The following PHC2 variants were observed in gnomAD, a reference collection of about 807,000 sequenced individuals.
PHC2 encodes polyhomeotic homolog 2, also known as polyhomeotic-like protein 2.
PHC2 carries 29 observed loss-of-function variants against 87.4 expected under a neutral mutation model. The observed-to-expected ratio is 0.33, with a 90% CI of 0.25 to 0.45. The LOEUF is 0.45. Ranked by LOEUF, PHC2 falls within the 20% of genes least tolerant of loss-of-function variation. The pLI is 1.00. For synonymous variants in PHC2, 438 were observed against 461.7 expected (o/e 0.95, Z 0.66); for missense variants, 857 against 1,136.7 (o/e 0.75, Z 3.54).
chr1:33,367,025 A>G, intron 7 of PHC2, 91 bp downstream of exon 7: 2 of 1,160,894 alleles, frequency 1.7e-6, no homozygotes, highest in South Asian at 1.5e-5. Flanking sequence ...ATCTTTGCAA[A>G]TCCATGGGAA....
At chr1:33,377,668 T>G (rs751169546) in intron 1 of PHC2, among the ~76,000 whole-genome samples, 1 of 151,992 alleles carries the variant, frequency 6.6e-6, no homozygotes, top group Non-Finnish European at 1.5e-5. Flanking sequence ...TTCAGTCATC[T>G]GCTTGTAGAG....
At position 33,369,219 on chromosome 1, in the gene PHC2, C is replaced by G. The variant is rs1647672745; in HGVS notation, c.577-597G>C. On this transcript the variant is annotated intron_variant, in intron 5 of 14. Coordinates refer to ENST00000683057, the MANE Select transcript of PHC2 (RefSeq NM_001385109.1). The surrounding 1 kb of genome is among the most constrained non-coding windows in gnomAD (Gnocchi z 4.7). ...GCCGTCCTCATGTCTGAATCCCATC[C>G]TGCAGGGTGCAGGATCCATGGTGTT... is the stretch of plus-strand genomic sequence containing the variant. 6.6e-6 allele frequency among the ~76,000 whole-genome samples: 1 copy of G among 152,230 alleles called. No individual in the cohort carries two copies. The highest frequency in any genetic ancestry group is 2.4e-5 in the African/African-American group (1 of 41,458).
At chr1:33,414,177 T>TCTCACA (rs372228145) in intron 1 of PHC2, among the ~76,000 whole-genome samples, 2,320 of 142,830 alleles carry the variant, frequency 0.016, 33 homozygotes, top group South Asian at 0.079. Context: ...TCTCTCTCTG[T>TCTCACA]CACACACACA....
intron 9 of PHC2, among the ~76,000 whole-genome samples, chr1:33,344,305 A>G (rs568782000): frequency 6.6e-6 from 1 of 152,300 alleles, no homozygotes; most frequent in South Asian, 2.1e-4. Context: ...ATGTTCCCCA[A>G]TATGATGACT....
At chr1:33,359,516 C>T (rs1331609012) in intron 7 of PHC2, among the ~76,000 whole-genome samples, 1 of 152,162 alleles carries the variant, frequency 6.6e-6, no homozygotes, top group Admixed American at 6.5e-5. Context: ...CACTTTCAAC[C>T]ATTCACTCAC....
chr1:33,366,558 T>C (rs1647463837), intron 7 of PHC2, among the ~76,000 whole-genome samples: 1 of 152,216 alleles, frequency 6.6e-6, no homozygotes, highest in African/African-American at 2.4e-5. Context: ...AGCTTAGATC[T>C]ATTATGGCAT....
intron 1 of PHC2, among the ~76,000 whole-genome samples, chr1:33,394,133 C>A (rs143161196): frequency 6.6e-6 from 1 of 152,062 alleles, no homozygotes; most frequent in African/African-American, 2.4e-5. Flanking sequence ...CCTTGGAATA[C>A]ATAACAGAAA....
intron 1 of PHC2, among the ~76,000 whole-genome samples, chr1:33,391,426 C>T (rs1027898816): frequency 6.6e-6 from 1 of 152,312 alleles, no homozygotes; most frequent in Non-Finnish European, 1.5e-5. Flanking sequence ...AGCCACTGTA[C>T]GTTAGTGATG....
chr1:33,368,408 T>C lies in PHC2; in HGVS notation c.663+128A>G, dbSNP rs185333761. ...GGGTAGACGCGCAGGCCTGGGGGCA[T>C]TGGGGTGTCCTGTCTCCCGCCTGCT... On this transcript the variant is annotated intron_variant, in intron 6 of 14. Coordinates refer to ENST00000683057, the MANE Select transcript of PHC2 (RefSeq NM_001385109.1). This position sits in a 1 kb window ranked among gnomAD's most constrained non-coding sequence, Gnocchi z 6.6. 2.7e-4 allele frequency: 167 copies of C among 609,552 alleles called. No homozygotes were observed. The highest frequency in any genetic ancestry group is 1.8e-3 in the East Asian group (66 of 35,876). The allele number at this position is 609,552 out of a possible 1,614,324, so 37.8% of individuals were successfully genotyped here.
chr1:33,331,310 G>T lies in PHC2; in HGVS notation c.2006+38C>A. The T allele has an allele frequency of 9.1e-7, 1 of 1,103,258 alleles. No individual in the cohort carries two copies. Among genetic ancestry groups the T allele is most frequent in the Non-Finnish European group, 1.4e-6 (1 of 723,424 alleles). The allele number at this position is 1,103,258 out of a possible 1,614,324, so 68.3% of individuals were successfully genotyped here. ...AATGGCAGGAGGTGGGACATAAAGT[G>T]CAGTCCTGGGGAAATGGAGGGGGCT... On this transcript the variant is annotated intron_variant, in intron 12 of 14. Transcript: ENST00000683057. The surrounding 1 kb of genome is among the most constrained non-coding windows in gnomAD (Gnocchi z 5.2).
rs771670590 is a variant in PHC2, at chr1:33,397,695, A to G, written c.-54-22102T>C. On this transcript the variant is annotated intron_variant, in intron 1 of 14. Coordinates refer to ENST00000683057, the MANE Select transcript of PHC2 (RefSeq NM_001385109.1). ...CAGTGGGTGATTTTGGCTCTGCCTCAGGGTACATCCACCATGCACTTTGAA... is the reference window on the plus strand; with the variant it reads ...CAGTGGGTGATTTTGGCTCTGCCTCGGGGTACATCCACCATGCACTTTGAA... Among the ~76,000 whole-genome samples the G allele has an allele frequency of 3.9e-5, 6 of 152,146 alleles. No individual in the cohort carries two copies. In the East Asian group the frequency reaches 1.2e-3, roughly 30 times the overall value.
In PHC2 at chr1:33,349,645, T is replaced by A; in HGVS notation, c.1558+4756A>T. The stretch of plus-strand genomic sequence containing the variant: ...GGCCGGGCGGGGCCTACGCAGCCCC[T>A]CGGCCGGGCGCCGACTCGCGCGGGG... On this transcript the variant is annotated intron_variant, in intron 9 of 14. Coordinates refer to ENST00000683057, the MANE Select transcript of PHC2 (RefSeq NM_001385109.1). The surrounding 1 kb of genome is among the most constrained non-coding windows in gnomAD (Gnocchi z 4.2). The A allele has an allele frequency of 1.0e-6, 1 of 982,352 alleles. No individual in the cohort carries two copies. The highest frequency in any genetic ancestry group is 1.8e-5 in the African/African-American group (1 of 56,578). The allele number at this position is 982,352 out of a possible 1,614,324, so 60.9% of individuals were successfully genotyped here.
chr1:33,375,113 C>T (rs1216710394), intron 2 of PHC2, among the ~76,000 whole-genome samples: 1 of 152,168 alleles, frequency 6.6e-6, no homozygotes, highest in Non-Finnish European at 1.5e-5. Flanking sequence ...AGCTCTTGGT[C>T]ATGTATTATT....
chr1:33,357,093 G>A (rs1158898805), intron 7 of PHC2, among the ~76,000 whole-genome samples: 2 of 152,240 alleles, frequency 1.3e-5, no homozygotes, highest in African/African-American at 2.4e-5. Context: ...AAGCAGCTCA[G>A]CTGAATCTGT....
chr1:33,396,563 T>C (rs1291056748), intron 1 of PHC2, among the ~76,000 whole-genome samples: 2 of 152,232 alleles, frequency 1.3e-5, no homozygotes, highest in African/African-American at 4.8e-5. Flanking sequence ...AAATTAGCCA[T>C]TTGGGGGAGG....
Position 33,324,968 on chromosome 1 carries a change from G to A in PHC2, c.2477C>T (p.Ala826Val). Residue 826 changes from alanine to valine, a missense_variant, in exon 15 of 15, where the codon GCC becomes GTC. By Grantham distance (64) the Ala-to-Val change is moderately conservative. Transcript: ENST00000683057. Reference sequence around the variant, plus strand: ...GTGGTCCTCCTTGAGCAGCAGCAGGGCTTGCCCGTCGATTTCCTGGGCACG... The same window carrying A: ...GTGGTCCTCCTTGAGCAGCAGCAGGACTTGCCCGTCGATTTCCTGGGCACG... ...EFRAQEIDGQALLLLKEDHLM... is the reference protein window; with the variant it reads ...EFRAQEIDGQVLLLLKEDHLM... The A allele has an allele frequency of 6.2e-7, 1 of 1,613,784 alleles. No homozygotes were observed. The highest frequency in any genetic ancestry group is 1.1e-5 in the South Asian group (1 of 91,016).
intron 1 of PHC2, among the ~76,000 whole-genome samples, chr1:33,384,156 G>T (rs540979462): frequency 6.6e-6 from 1 of 152,174 alleles, no homozygotes; most frequent in Non-Finnish European, 1.5e-5. Flanking sequence ...CCAAGGCAAG[G>T]CTTCTCAAAA....
At chr1:33,338,180 G>A (rs1415767073) in intron 9 of PHC2, among the ~76,000 whole-genome samples, 1 of 152,210 alleles carries the variant, frequency 6.6e-6, no homozygotes, top group Admixed American at 6.5e-5. Context: ...TGAGGTCAGA[G>A]TCTGTCTTCA....
intron 1 of PHC2, among the ~76,000 whole-genome samples, chr1:33,412,195 A>C (rs1199669620): frequency 6.6e-6 from 1 of 152,238 alleles, no homozygotes; most frequent in Admixed American, 6.5e-5. Context: ...TAAGGAATCC[A>C]CAAAAAATCT....
Sources: gnomAD v4.1 joint callset for allele counts (sites outside exome capture counted in the v4.1 genomes callset) on GRCh38, gnomAD v4.1.1 for gene constraint, Gnocchi (gnomAD v3.1) non-coding constraint, MANE v1.5 for transcripts, NCBI Gene and HGNC (gene_info 2026-07-23, HGNC 2026-07-21) for gene names.